The following TACC1 variants were observed in gnomAD, a reference collection of about 807,000 sequenced individuals.
TACC1 encodes the protein transforming acidic coiled-coil-containing protein 1.
Under a neutral mutation model 84.4 loss-of-function variants are expected in TACC1, and 48 were observed. That is an observed-to-expected ratio of 0.57 (90% CI 0.45 to 0.72). The LOEUF (loss-of-function observed/expected upper bound fraction) is 0.72, where lower values mean the gene tolerates loss of function less well. Ranked by LOEUF, TACC1 falls within the 30% of genes least tolerant of loss-of-function variation. The pLI is 0.00. For missense variants in TACC1, 920 were observed against 973.0 expected, an observed-to-expected ratio of 0.95 and a Z score of 0.72; for synonymous variants, 372 against 376.3, an observed-to-expected ratio of 0.99 and a Z score of 0.13.
upstream of TACC1, among the ~76,000 whole-genome samples, chr8:38,786,489 G>A (rs1232562528): frequency 6.6e-6 from 1 of 152,134 alleles, no homozygotes; most frequent in Non-Finnish European, 1.5e-5. Context: ...ATCGCTTGTG[G>A]CCAAGAGTTC....
At chr8:38,789,432 C>G (rs1818132380) in intron 2 of TACC1, among the ~76,000 whole-genome samples, 1 of 152,178 alleles carries the variant, frequency 6.6e-6, no homozygotes, top group Admixed American at 6.5e-5. Context: ...TCACCTATCC[C>G]AACAGAATTC....
intron 3 of TACC1, among the ~76,000 whole-genome samples, chr8:38,766,291 C>T (rs1812236296): frequency 6.6e-6 from 1 of 152,174 alleles, no homozygotes; most frequent in South Asian, 2.1e-4. Context: ...ACAGTTTTAT[C>T]TTTATCAATC....
At chr8:38,818,702 T>C (rs929086810) in intron 2 of TACC1, among the ~76,000 whole-genome samples, 5 of 152,204 alleles carry the variant, frequency 3.3e-5, no homozygotes, top group African/African-American at 1.2e-4. Flanking sequence ...AGAGAGATGA[T>C]TCTGAGCTGG....
At chr8:38,835,937 T>A (rs1309284658) in intron 6 of TACC1, among the ~76,000 whole-genome samples, 1 of 152,258 alleles carries the variant, frequency 6.6e-6, no homozygotes, top group Non-Finnish European at 1.5e-5. Flanking sequence ...TTCTCTAGGT[T>A]ATCTGCTCAA....
At chr8:38,840,406 C>G (rs1457571285) in intron 9 of TACC1, 139 bp downstream of exon 9, 5 of 706,354 alleles carry the variant, frequency 7.1e-6, no homozygotes, top group African/African-American at 5.5e-5. Flanking sequence ...CAGGAGAGTT[C>G]AAGGTGCCCA....
At chr8:38,774,322 A>T (rs1048769688) in intron 3 of TACC1, among the ~76,000 whole-genome samples, 1 of 152,160 alleles carries the variant, frequency 6.6e-6, no homozygotes, top group African/African-American at 2.4e-5. Flanking sequence ...AAGCTCACTA[A>T]TATGCAAGTT....
chr8:38,797,753 T>C (rs1563568028), intron 2 of TACC1, among the ~76,000 whole-genome samples: 2 of 152,246 alleles, frequency 1.3e-5, no homozygotes, highest in African/African-American at 4.8e-5. Context: ...CAGCAACAGA[T>C]TGAAGTTACA....
At chr8:38,831,020 G>C in intron 5 of TACC1, 105 bp from the exon 6 acceptor site, 1 of 958,620 alleles carries the variant, frequency 1.0e-6, no homozygotes, top group South Asian at 1.4e-5. Context: ...CTTTTCATGT[G>C]TTCATAAGTC....
At chr8:38,788,908 G>T in intron 2 of TACC1, 89 bp downstream of exon 2, 1 of 1,047,716 alleles carries the variant, frequency 9.5e-7, no homozygotes. Context: ...GTAAATTTAG[G>T]ACCATTTAAG....
chr8:38,740,190 G>T (rs1252698127), intron 1 of TACC1, among the ~76,000 whole-genome samples: 1 of 152,212 alleles, frequency 6.6e-6, no homozygotes, highest in Non-Finnish European at 1.5e-5. Context: ...GGAATCTTGA[G>T]CTGAGGATTC....
intron 1 of TACC1, among the ~76,000 whole-genome samples, chr8:38,731,102 A>C (rs1250599356): frequency 6.6e-6 from 1 of 151,820 alleles, no homozygotes; most frequent in Non-Finnish European, 1.5e-5. Flanking sequence ...TATTTTTTTA[A>C]ATTTTTTAAT....
chr8:38,834,299 G>A (rs991746102), intron 6 of TACC1, among the ~76,000 whole-genome samples: 3 of 152,216 alleles, frequency 2.0e-5, no homozygotes, highest in African/African-American at 7.2e-5. Flanking sequence ...TCCTTGCCAC[G>A]TGGGCCTTTC....
chr8:38,781,953 A>T (rs1444341366), intron 3 of TACC1, among the ~76,000 whole-genome samples: 8 of 149,246 alleles, frequency 5.4e-5, no homozygotes, highest in Non-Finnish European at 7.4e-5. Flanking sequence ...TTATTTATTT[A>T]TTTTTTACAT....
At chr8:38,826,517 T>G (rs1306336984) in intron 4 of TACC1, among the ~76,000 whole-genome samples, 2 of 152,198 alleles carry the variant, frequency 1.3e-5, no homozygotes, top group South Asian at 2.1e-4. Flanking sequence ...AGAAAAAATT[T>G]TAAGACTTAA....
intron 1 of TACC1, chr8:38,728,847 T>A (rs1804348815): frequency 1.3e-5 from 2 of 152,290 alleles, no homozygotes; most frequent in Admixed American, 1.3e-4. Flanking sequence ...CCTCTCTCTT[T>A]CCAAGTTGAA....
At chr8:38,729,898 T>C (rs929122109) in intron 1 of TACC1, among the ~76,000 whole-genome samples, 2 of 152,012 alleles carry the variant, frequency 1.3e-5, no homozygotes, top group Admixed American at 1.3e-4. Context: ...AGAAAACATC[T>C]TATGATCTAA....
upstream of TACC1, chr8:38,785,627 T>A (rs1816989039): frequency 2.2e-6 from 2 of 893,702 alleles, no homozygotes; most frequent in Non-Finnish European, 2.7e-6. Context: ...GAAGAACAGG[T>A]CCTAGTGTAT....
chr8:38,780,201 C>T (rs1815652029), intron 3 of TACC1, among the ~76,000 whole-genome samples: 1 of 152,124 alleles, frequency 6.6e-6, no homozygotes, highest in Admixed American at 6.5e-5. Flanking sequence ...CCCAATGGTT[C>T]GATTTTTATT....
chr8:38,782,413 T>TTGGA (rs1816204526), upstream of TACC1, among the ~76,000 whole-genome samples: 1 of 152,160 alleles, frequency 6.6e-6, no homozygotes, highest in South Asian at 2.1e-4. Flanking sequence ...CTTAATCCAG[T>TTGGA]CTATCATTGT....
Sources: gnomAD v4.1 joint callset for allele counts (sites outside exome capture counted in the v4.1 genomes callset) on GRCh38, gnomAD v4.1.1 for gene constraint, MANE v1.5 for transcripts, NCBI Gene and HGNC (gene_info 2026-07-23, HGNC 2026-07-21) for gene names.